Variants in TFEB observed in about 807,000 individuals in gnomAD.
The protein encoded by TFEB is transcription factor EB, also known as T-cell transcription factor EB.
TFEB carries 12 observed loss-of-function variants against 48.0 expected under a neutral mutation model. The ratio of observed to expected loss-of-function variants is 0.25; its 90% CI spans 0.16 to 0.40. TFEB has a LOEUF of 0.40. TFEB is among the 10% of genes least tolerant of loss of function. TFEB has a pLI of 1.00. For synonymous variants in TFEB, 244 were observed against 261.4 expected (o/e 0.93, Z 0.64); for missense variants, 509 against 640.3 (o/e 0.79, Z 2.21).
chr6:41,711,699 A>G (rs1410265251), intron 1 of TFEB, among the ~76,000 whole-genome samples: 1 of 152,222 alleles, frequency 6.6e-6, no homozygotes, highest in Non-Finnish European at 1.5e-5. Context: ...AGCTCCCCCA[A>G]GCCCCAGGGG....
Position 41,684,657 on chromosome 6 carries a change from G to A in TFEB, c.1373C>T (p.Ala458Val). 6.2e-7 allele frequency: 1 copy of A among 1,612,084 alleles called. No individual in the cohort carries two copies. The highest frequency in any genetic ancestry group is 8.5e-7 in the Non-Finnish European group (1 of 1,179,214). The stretch of plus-strand genomic sequence containing the variant: ...GCTCCGGCGGCTGCTGGCCTTGGAG[G>A]CCTCGGGGGACATGGTGGACAGAAG... The part of the protein sequence containing the change: ...DPLLSTMSPE[A>V]SKASSRRSSF... Residue 458 changes from alanine to valine, a missense_variant, in exon 9 of 9, where the codon GCC becomes GTC. Around this residue, in one of 4 missense-constraint regions of TFEB, gnomAD observed 168 missense variants for 161.0 expected, o/e 1.04. Transcript: ENST00000373033.
In TFEB at chr6:41,724,214, T is replaced by G. The variant is rs771230478; in HGVS notation, c.-23+11136A>C. Among the ~76,000 whole-genome samples the G allele has an allele frequency of 2.0e-5, 3 of 152,234 alleles. No homozygotes were observed. The highest frequency in any genetic ancestry group is 2.9e-5 in the Non-Finnish European group (2 of 68,030). ...GCCCCCCAGCACTTTTTTAGCAGCC[T>G]GCCAAAGAGACTGGGCAGAGATTTC... is the stretch of plus-strand genomic sequence containing the variant. On this transcript the variant is annotated intron_variant, in intron 1 of 8. Coordinates refer to ENST00000373033, the MANE Select transcript of TFEB (RefSeq NM_001271944.2). The surrounding 1 kb of genome is among the most constrained non-coding windows in gnomAD (Gnocchi z 4.4).
intron 8 of TFEB, among the ~76,000 whole-genome samples, chr6:41,685,437 CTG>C (rs1768948868): frequency 6.6e-6 from 1 of 152,116 alleles, no homozygotes; most frequent in Non-Finnish European, 1.5e-5. Flanking sequence ...CACTTTGTGC[CTG>C]TGTGTGCTAG....
chr6:41,718,071 G>T (rs551591638), intron 1 of TFEB, among the ~76,000 whole-genome samples: 13 of 152,296 alleles, frequency 8.5e-5, no homozygotes, highest in African/African-American at 3.1e-4. Context: ...GGAGTACAAG[G>T]TGATGCTATG....
intron 1 of TFEB, among the ~76,000 whole-genome samples, chr6:41,700,204 C>T (rs999780643): frequency 2.7e-5 from 4 of 150,758 alleles, no homozygotes; most frequent in Admixed American, 6.6e-5. Flanking sequence ...CGGTGGCTCA[C>T]GCCTGTAATC....
intron 8 of TFEB, among the ~76,000 whole-genome samples, chr6:41,685,334 T>C (rs1161757229): frequency 6.6e-6 from 1 of 152,184 alleles, no homozygotes; most frequent in African/African-American, 2.4e-5. Context: ...TTAATTGAAA[T>C]TGACTTGTCT....
At chr6:41,726,736 G>A (rs1171912923) in intron 1 of TFEB, among the ~76,000 whole-genome samples, 2 of 152,140 alleles carry the variant, frequency 1.3e-5, no homozygotes, top group East Asian at 3.9e-4. Context: ...ACCGCACCCA[G>A]CCAGGGGTTC....
chr6:41,693,842 C>A (rs1486373876), intron 1 of TFEB, among the ~76,000 whole-genome samples: 1 of 152,146 alleles, frequency 6.6e-6, no homozygotes, highest in African/African-American at 2.4e-5. Flanking sequence ...CTTTGCCCAC[C>A]CCCTTCCTAT....
At chr6:41,706,507 A>AC (rs1288376832) in intron 1 of TFEB, among the ~76,000 whole-genome samples, 13 of 105,736 alleles carry the variant, frequency 1.2e-4, no homozygotes, top group Non-Finnish European at 1.8e-4. Context: ...CCACCCTTAC[A>AC]CCCCCCCACC....
chr6:41,714,586 C>T (rs891655707), intron 1 of TFEB, among the ~76,000 whole-genome samples: 3 of 152,208 alleles, frequency 2.0e-5, no homozygotes, highest in South Asian at 2.1e-4. Flanking sequence ...TTCTTGAGCA[C>T]TTACTACATG....
chr6:41,697,491 C>T (rs1468554102), intron 1 of TFEB, among the ~76,000 whole-genome samples: 1 of 124,160 alleles, frequency 8.1e-6, no homozygotes, highest in Non-Finnish European at 1.6e-5. Flanking sequence ...ACCAACACCA[C>T]CCCTTCTCCA....
intron 1 of TFEB, among the ~76,000 whole-genome samples, chr6:41,698,372 G>A (rs144741751): frequency 5.3e-5 from 8 of 152,156 alleles, no homozygotes; most frequent in Non-Finnish European, 8.8e-5. Flanking sequence ...GCCTCCCTGC[G>A]ATCAAAGAGT....
rs1771131032 is a variant in TFEB at position 41,724,644 on chromosome 6, A to G, written c.-23+10706T>C. 3.3e-5 allele frequency among the ~76,000 whole-genome samples: 5 copies of G among 152,138 alleles called. No individual in the cohort carries two copies. The South Asian group carries it at 1.0e-3, about 32-fold the overall frequency. ...CGCCCCTTGCCGCCCGAGACCTGCA[A>G]TGGGGCCTCAGATAAGGAACATGAT... On this transcript the variant is annotated intron_variant, in intron 1 of 8. Transcript: ENST00000373033. The surrounding 1 kb of genome is among the most constrained non-coding windows in gnomAD (Gnocchi z 4.4).
Position 41,734,853 on chromosome 6 carries a change from T to TC in TFEB, c.-23+496dup, listed in dbSNP as rs1246814134. On this transcript the variant is annotated intron_variant, in intron 1 of 8. Coordinates refer to ENST00000373033, the MANE Select transcript of TFEB (RefSeq NM_001271944.2). The surrounding 1 kb of genome is among the most constrained non-coding windows in gnomAD (Gnocchi z 4.0). ...CGTGGCGCCGCTCTGGCCCTCCCAC[T>TC]CCCCCCGCTGGCCTGGCCAGACTCA... The TC allele has an allele frequency of 4.3e-6, 4 of 935,314 alleles. No homozygotes were observed. The highest frequency in any genetic ancestry group is 5.0e-6 in the Non-Finnish European group (4 of 794,030). The allele number at this position is 935,314 out of a possible 1,614,324, so 57.9% of individuals were successfully genotyped here.
intron 1 of TFEB, among the ~76,000 whole-genome samples, chr6:41,711,064 T>C (rs985808281): frequency 6.6e-6 from 1 of 152,248 alleles, no homozygotes; most frequent in Non-Finnish European, 1.5e-5. Flanking sequence ...TGGATAATAC[T>C]AAAACTTGTA....
chr6:41,688,272 A>C, intron 4 of TFEB: 4 of 465,372 alleles, frequency 8.6e-6, no homozygotes, highest in East Asian at 3.1e-5. Flanking sequence ...CCAACCAATA[A>C]TATGTGATAG....
chr6:41,689,078 A>G (rs1272047754), intron 4 of TFEB, among the ~76,000 whole-genome samples: 2 of 152,242 alleles, frequency 1.3e-5, no homozygotes, highest in Non-Finnish European at 2.9e-5. Flanking sequence ...GGTAGAGAGC[A>G]TCACCCCCAT....
At position 41,687,919 on chromosome 6, in the gene TFEB, C is replaced by A. The variant is rs765986780; in HGVS notation, c.659G>T (p.Arg220Leu). The change falls in exon 5 of 9, where the codon CGA becomes CTA. Residue 220 changes from arginine (R) to leucine (L), a missense_variant. Physicochemically the swap from Arg to Leu is moderately radical, Grantham distance 102 (BLOSUM62 -2). Transcript: ENST00000373033. ...GAGGGAGGCAGTACCTGTGAGCTCT[C>A]GCTTCTGGGTCAGGTCCGCAGGGCA... is the stretch of plus-strand genomic sequence containing the variant. ...SSCPADLTQK[R>L]ELTDAESRAL... is the part of the protein sequence containing the mutation. 6.2e-7 allele frequency: 1 copy of A among 1,613,750 alleles called. No individual in the cohort carries two copies. Among genetic ancestry groups the A allele is most frequent in the South Asian group, 1.1e-5 (1 of 91,028 alleles).
chr6:41,727,961 G>A (rs1049319809), intron 1 of TFEB, among the ~76,000 whole-genome samples: 2 of 152,202 alleles, frequency 1.3e-5, no homozygotes, highest in Non-Finnish European at 2.9e-5. Flanking sequence ...ACCCCCAGGT[G>A]AGAAGGCCCA....
Sources: allele counts gnomAD v4.1 joint callset (sites outside exome capture counted in the v4.1 genomes callset), GRCh38; gene constraint gnomAD v4.1.1; regional missense constraint gnomAD v4.1.1; non-coding constraint Gnocchi (gnomAD v3.1); transcripts MANE v1.5; gene names NCBI Gene and HGNC (gene_info 2026-07-23, HGNC 2026-07-21).